The following QKI variants were observed in gnomAD, a reference collection of about 807,000 sequenced individuals.
QKI encodes KH domain-containing RNA-binding protein QKI.
In QKI, 10 loss-of-function variants were observed where a neutral mutation model predicts 39.0. That is an observed-to-expected ratio of 0.26 (90% CI 0.16 to 0.43). The LOEUF is 0.43. QKI is among the 20% of genes least tolerant of loss of function. The pLI is 1.00. For synonymous variants in QKI, 204 were observed against 155.4 expected, an observed-to-expected ratio of 1.31 and a Z score of -2.33; for missense variants, 218 against 428.0, an observed-to-expected ratio of 0.51 and a Z score of 4.33.
chr6:163,554,011 A>G lies in QKI; in HGVS notation c.547-7971A>G, dbSNP rs77529430. Among the ~76,000 whole-genome samples, 982 of 152,252 alleles carry G rather than the reference A, an allele frequency of 6.4e-3. 10 individuals are homozygous for G. The highest frequency in any genetic ancestry group is 0.022 in the African/African-American group (919 of 41,526). ...CTGTAATACAGATTTAGAGACTGCA[A>G]AAAAAGCATCTTTTACCCCAGGGCT... On this transcript the variant is annotated intron_variant, in intron 4 of 7. Transcript: ENST00000361752.
intron 1 of QKI, among the ~76,000 whole-genome samples, chr6:163,419,293 T>C (rs894389966): frequency 7.3e-6 from 1 of 136,716 alleles, no homozygotes; most frequent in Admixed American, 7.2e-5. Context: ...TCATAAGGTT[T>C]TCTTACCATA....
At chr6:163,427,600 A>G (rs893614422) in intron 1 of QKI, among the ~76,000 whole-genome samples, 1 of 151,902 alleles carries the variant, frequency 6.6e-6, no homozygotes, top group African/African-American at 2.4e-5. Flanking sequence ...TGCTTCTATT[A>G]GCTTTTACCT....
chr6:163,451,024 G>T (rs1790522766), intron 1 of QKI, among the ~76,000 whole-genome samples: 1 of 152,164 alleles, frequency 6.6e-6, no homozygotes, highest in Admixed American at 6.5e-5. Context: ...TCTTGACTCG[G>T]AGACTATTCA....
intron 3 of QKI, among the ~76,000 whole-genome samples, chr6:163,487,722 A>T (rs1206375640): frequency 6.6e-6 from 1 of 152,012 alleles, no homozygotes; most frequent in Non-Finnish European, 1.5e-5. Flanking sequence ...TAAATTGGTA[A>T]TGACAAAGGT....
chr6:163,417,779 A>G (rs751355522), intron 1 of QKI, among the ~76,000 whole-genome samples: 1 of 152,152 alleles, frequency 6.6e-6, no homozygotes, highest in Non-Finnish European at 1.5e-5. Context: ...CAGTGTAAAG[A>G]TTGCTTCTGT....
At chr6:163,560,829 C>T (rs1782946855) in intron 4 of QKI, among the ~76,000 whole-genome samples, 1 of 152,152 alleles carries the variant, frequency 6.6e-6, no homozygotes, top group Non-Finnish European at 1.5e-5. Flanking sequence ...GGAGAACAGA[C>T]ACCATTAGCA....
At chr6:163,466,398 A>G (rs929541891) in intron 2 of QKI, among the ~76,000 whole-genome samples, 4 of 152,168 alleles carry the variant, frequency 2.6e-5, no homozygotes, top group Non-Finnish European at 4.4e-5. Context: ...GGAAAAAACA[A>G]TCCTAAAATT....
intron 4 of QKI, among the ~76,000 whole-genome samples, chr6:163,549,432 T>G (rs1035444013): frequency 1.3e-5 from 2 of 152,054 alleles, no homozygotes; most frequent in Non-Finnish European, 2.9e-5. Flanking sequence ...AACACTGCGC[T>G]GGGCATGGTG....
intron 1 of QKI, among the ~76,000 whole-genome samples, chr6:163,426,796 CAAAGT>C (rs767024849): frequency 7.9e-5 from 12 of 152,166 alleles, no homozygotes; most frequent in Non-Finnish European, 1.3e-4. Flanking sequence ...ACTTGGTTCT[CAAAGT>C]AAAGTGTTGG....
At chr6:163,529,032 C>T (rs1237661880) in intron 3 of QKI, among the ~76,000 whole-genome samples, 1 of 152,114 alleles carries the variant, frequency 6.6e-6, no homozygotes, top group African/African-American at 2.4e-5. Context: ...AACAAGGTAG[C>T]ATTGAGGTTT....
chr6:163,567,528 A>G (rs1333983907), intron 7 of QKI: 5 of 984,350 alleles, frequency 5.1e-6, no homozygotes, highest in African/African-American at 1.7e-5. Flanking sequence ...TGTGAATATA[A>G]TTTTTGACTA....
At chr6:163,567,797 A>G (rs887935703) in intron 7 of QKI, 1 of 985,194 alleles carries the variant, frequency 1.0e-6, no homozygotes, top group Non-Finnish European at 1.2e-6. Flanking sequence ...AAAGTCTCAA[A>G]TATTAGTGGA....
chr6:163,424,344 G>A (rs1788243602), intron 1 of QKI, among the ~76,000 whole-genome samples: 1 of 152,186 alleles, frequency 6.6e-6, no homozygotes, highest in South Asian at 2.1e-4. Context: ...GCCTGCACAT[G>A]CGTGAGCCAG....
At chr6:163,454,846 G>A (rs1008344272) in intron 1 of QKI, among the ~76,000 whole-genome samples, 48 of 152,102 alleles carry the variant, frequency 3.2e-4, no homozygotes, top group African/African-American at 1.1e-3. Context: ...AAGTGGTCCC[G>A]TTTAAATATC....
chr6:163,546,690 TA>T (rs911228739), intron 4 of QKI, among the ~76,000 whole-genome samples: 5 of 152,076 alleles, frequency 3.3e-5, no homozygotes, highest in Non-Finnish European at 5.9e-5. Flanking sequence ...AATAGTATAT[TA>T]AAAGATTCAA....
At chr6:163,494,038 G>C (rs903010579) in intron 3 of QKI, among the ~76,000 whole-genome samples, 2 of 152,126 alleles carry the variant, frequency 1.3e-5, no homozygotes, top group African/African-American at 4.8e-5. Flanking sequence ...GTGAATTTGT[G>C]TATACCTTCA....
intron 1 of QKI, among the ~76,000 whole-genome samples, chr6:163,454,203 A>T (rs114324871): frequency 0.029 from 4,342 of 152,244 alleles, 202 homozygotes; most frequent in African/African-American, 0.098. Context: ...TATGTTCCAA[A>T]GGACAGGAGC....
chr6:163,446,530 C>T (rs993133054), intron 1 of QKI, among the ~76,000 whole-genome samples: 7 of 152,172 alleles, frequency 4.6e-5, no homozygotes, highest in Non-Finnish European at 7.4e-5. Context: ...TTAACTAGTT[C>T]GCCATTAGAT....
At chr6:163,489,746 T>C (rs572577080) in intron 3 of QKI, among the ~76,000 whole-genome samples, 7 of 152,122 alleles carry the variant, frequency 4.6e-5, no homozygotes, top group African/African-American at 1.2e-4. Context: ...CCACAGAAAA[T>C]AGGAATTATT....
Sources: gnomAD v4.1 joint callset for allele counts (sites outside exome capture counted in the v4.1 genomes callset) on GRCh38, gnomAD v4.1.1 for gene constraint, MANE v1.5 for transcripts, NCBI Gene and HGNC (gene_info 2026-07-23, HGNC 2026-07-21) for gene names.